The following FRMD4B variants were observed in gnomAD, a reference collection of about 807,000 sequenced individuals.
The protein encoded by FRMD4B is FERM domain containing 4B.
In FRMD4B, 74 loss-of-function variants were observed where a neutral mutation model predicts 141.5. The ratio of observed to expected loss-of-function variants is 0.52; its 90% CI spans 0.43 to 0.63. The LOEUF is 0.63. Ranked by LOEUF, FRMD4B falls within the 30% of genes least tolerant of loss-of-function variation. The probability of loss-of-function intolerance (pLI) is 0.00; values close to 1 mark genes in which losing one functional copy is unlikely to be tolerated. For missense variants in FRMD4B, 1,366 were observed against 1,253.4 expected, an observed-to-expected ratio of 1.09 and a Z score of -1.36; for synonymous variants, 506 against 467.9, an observed-to-expected ratio of 1.08 and a Z score of -1.05.
In FRMD4B at chr3:69,432,416, A is replaced by G. The variant is rs571707249; in HGVS notation, c.-1+218T>C. Among the ~76,000 whole-genome samples the G allele has an allele frequency of 1.1e-3, 169 of 152,304 alleles. 1 individual carries two copies. The highest frequency in any genetic ancestry group is 1.9e-3 in the Non-Finnish European group (132 of 68,008). On this transcript the variant is annotated intron_variant, in intron 2 of 5. Transcript: ENST00000459638. The stretch of plus-strand genomic sequence containing the variant: ...TTCAACTTTGGGGTGTTTGACTTTC[A>G]TTTGAAAGTAGGGGAGTAACTTAAT...
At chr3:69,491,540 T>A (rs1248991728) in intron 1 of FRMD4B, among the ~76,000 whole-genome samples, 3 of 152,164 alleles carry the variant, frequency 2.0e-5, no homozygotes, top group Non-Finnish European at 4.4e-5. Context: ...AAAGCACATA[T>A]TTTATTCTAT....
chr3:69,304,936 G>A (rs1436828675), intron 3 of FRMD4B, among the ~76,000 whole-genome samples: 1 of 152,164 alleles, frequency 6.6e-6, no homozygotes, highest in African/African-American at 2.4e-5. Context: ...TTCATTATAA[G>A]TAGACAGGAA....
chr3:69,349,258 A>G (rs964544495), intron 1 of FRMD4B, among the ~76,000 whole-genome samples: 1 of 152,212 alleles, frequency 6.6e-6, no homozygotes, highest in African/African-American at 2.4e-5. Context: ...TAGGAATCCA[A>G]CTTACAAGGG....
At chr3:69,219,359 T>C (rs965811705) in intron 9 of FRMD4B, among the ~76,000 whole-genome samples, 1 of 152,112 alleles carries the variant, frequency 6.6e-6, no homozygotes, top group Non-Finnish European at 1.5e-5. Context: ...ATTTTGATGA[T>C]CAATTTCTCC....
intron 1 of FRMD4B, among the ~76,000 whole-genome samples, chr3:69,540,208 GA>G (rs1701152065): frequency 6.6e-6 from 1 of 151,640 alleles, no homozygotes; most frequent in Admixed American, 6.6e-5. Flanking sequence ...AAGAATTGTA[GA>G]AACACCAATA....
At chr3:69,176,117 G>A (rs1559683016) in intron 22 of FRMD4B, among the ~76,000 whole-genome samples, 1 of 151,992 alleles carries the variant, frequency 6.6e-6, no homozygotes. Context: ...TTTTGGCTTT[G>A]GTGTCTGTGC....
At chr3:69,489,488 C>T (rs1364603683) in intron 1 of FRMD4B, among the ~76,000 whole-genome samples, 5 of 151,962 alleles carry the variant, frequency 3.3e-5, no homozygotes. Flanking sequence ...TGAAAAGATG[C>T]TCAGTCTCAT....
chr3:69,383,679 C>T (rs554324622), intron 1 of FRMD4B, among the ~76,000 whole-genome samples: 7 of 152,286 alleles, frequency 4.6e-5, no homozygotes, highest in Non-Finnish European at 8.8e-5. Flanking sequence ...CCTGCCTCAA[C>T]GTCTTGAGCA....
chr3:69,267,630 TATATATAGAGAGAGAGAGAGAGAG>T (rs1559765467), intron 5 of FRMD4B, among the ~76,000 whole-genome samples: 65 of 10,872 alleles, frequency 6.0e-3, no homozygotes, highest in South Asian at 0.011. Flanking sequence ...TATATATATA[TATATATAGAGAGAGAGAGAGAGAG>T]AGAGAGAGAG....
rs1239678666 is a variant in FRMD4B at position 69,327,557 on chromosome 3, C to T, written c.163-14040G>A. Among the ~76,000 whole-genome samples, 4 of 152,182 alleles carry T rather than the reference C, an allele frequency of 2.6e-5. No homozygotes were observed. The East Asian group carries it at 7.7e-4, about 29-fold the overall frequency. On this transcript the variant is annotated intron_variant, in intron 1 of 22. Coordinates refer to ENST00000398540, the MANE Select transcript of FRMD4B (RefSeq NM_015123.3). ...TTCATGTTTCAATTTTTCGTCAACCCTGTTAGAATGTCTCTGATTTATGCT... is the reference window on the plus strand; with the variant it reads ...TTCATGTTTCAATTTTTCGTCAACCTTGTTAGAATGTCTCTGATTTATGCT...
At chr3:69,185,454 T>C (rs1028071765) in intron 19 of FRMD4B, among the ~76,000 whole-genome samples, 13 of 152,206 alleles carry the variant, frequency 8.5e-5, no homozygotes, top group African/African-American at 2.7e-4. Flanking sequence ...AATTTATATT[T>C]TTGGCCCTTG....
chr3:69,533,247 G>T (rs1378392173), intron 1 of FRMD4B, among the ~76,000 whole-genome samples: 1 of 152,220 alleles, frequency 6.6e-6, no homozygotes, highest in East Asian at 1.9e-4. Flanking sequence ...GCAGGCTCTT[G>T]GGAGAGAAAG....
intron 5 of FRMD4B, among the ~76,000 whole-genome samples, chr3:69,277,858 TC>T (rs966978890): frequency 4.5e-5 from 3 of 66,768 alleles, no homozygotes; most frequent in Non-Finnish European, 1.0e-4. Flanking sequence ...TTTCTTTCTT[TC>T]TTTTTTTTTT....
At chr3:69,445,658 G>A (rs1705401173) in intron 1 of FRMD4B, among the ~76,000 whole-genome samples, 1 of 152,050 alleles carries the variant, frequency 6.6e-6, no homozygotes, top group Non-Finnish European at 1.5e-5. Flanking sequence ...ACCTTACTGG[G>A]TCAAGTCCAT....
At chr3:69,538,678 T>C (rs565524367) in intron 1 of FRMD4B, among the ~76,000 whole-genome samples, 1 of 152,328 alleles carries the variant, frequency 6.6e-6, no homozygotes, top group East Asian at 1.9e-4. Context: ...AAAAATGACA[T>C]GATAATTTCA....
chr3:69,423,069 T>C (rs1705010727), intron 2 of FRMD4B, among the ~76,000 whole-genome samples: 1 of 152,252 alleles, frequency 6.6e-6, no homozygotes. Flanking sequence ...TTTATTGATA[T>C]AGTCAGTCCT....
chr3:69,390,091 T>G (rs193292187), upstream of FRMD4B, among the ~76,000 whole-genome samples: 1 of 152,242 alleles, frequency 6.6e-6, no homozygotes, highest in Admixed American at 6.5e-5. Flanking sequence ...TGCCTGAGGC[T>G]CCTGTAGGTT....
At chr3:69,341,189 G>A (rs1702726795) in intron 1 of FRMD4B, among the ~76,000 whole-genome samples, 1 of 152,136 alleles carries the variant, frequency 6.6e-6, no homozygotes, top group Non-Finnish European at 1.5e-5. Context: ...CTAATGAAGA[G>A]GGCTGTTTGC....
chr3:69,228,508 T>C (rs2093275639), intron 7 of FRMD4B: 1 of 450,970 alleles, frequency 2.2e-6, no homozygotes, highest in Admixed American at 2.4e-5. Flanking sequence ...TGACTCTGTG[T>C]GATAGAGATC....
Sources: gnomAD v4.1 joint callset for allele counts (sites outside exome capture counted in the v4.1 genomes callset) on GRCh38, gnomAD v4.1.1 for gene constraint, MANE v1.5 for transcripts, NCBI Gene and HGNC (gene_info 2026-07-23, HGNC 2026-07-21) for gene names.